The following TSGA10 variants were observed in gnomAD, a reference collection of about 807,000 sequenced individuals.
The protein encoded by TSGA10 is testis specific 10, also known as testis-specific gene 10 protein.
In TSGA10, 43 loss-of-function variants were observed where a neutral mutation model predicts 96.6. That is an observed-to-expected ratio of 0.44 (90% CI 0.35 to 0.57). The LOEUF is 0.57. Ranked by LOEUF, TSGA10 falls within the 20% of genes least tolerant of loss-of-function variation. The probability of loss-of-function intolerance (pLI) is 0.01; values close to 1 mark genes in which losing one functional copy is unlikely to be tolerated. For synonymous variants in TSGA10, 229 were observed against 269.9 expected (o/e 0.85, Z 1.48); for missense variants, 703 against 834.4 (o/e 0.84, Z 1.94).
At chr2:99,001,342 A>G (rs1428282918) in intron 20 of TSGA10, among the ~76,000 whole-genome samples, 1 of 152,182 alleles carries the variant, frequency 6.6e-6, no homozygotes, top group African/African-American at 2.4e-5. Flanking sequence ...GGCAAACAGG[A>G]TCTGGAGTGG....
In TSGA10 at chr2:99,070,232, T is replaced by C. The variant is rs528425278; in HGVS notation, c.1108-1234A>G. Among the ~76,000 whole-genome samples the C allele has an allele frequency of 3.3e-5, 5 of 152,312 alleles. 1 individual carries two copies. The highest frequency in any genetic ancestry group is 3.3e-4 in the Admixed American group (5 of 15,294). On this transcript the variant is annotated intron_variant, in intron 14 of 20. Coordinates refer to ENST00000393483, the MANE Select transcript of TSGA10 (RefSeq NM_025244.4). Reference sequence around the variant, plus strand: ...TAGCTATAAAATATTTATTGAGTGATATACTGGACAGTACAGTAAGTGCTT... The same window carrying C: ...TAGCTATAAAATATTTATTGAGTGACATACTGGACAGTACAGTAAGTGCTT...
At chr2:99,108,804 C>T (rs750727730) in intron 7 of TSGA10, 29 bp downstream of exon 7, 4 of 1,469,086 alleles carry the variant, frequency 2.7e-6, no homozygotes, top group East Asian at 2.4e-5. Context: ...AATGTTATTA[C>T]TTATATAATT....
At chr2:99,095,031 T>C (rs777123540) in intron 10 of TSGA10, among the ~76,000 whole-genome samples, 1 of 151,992 alleles carries the variant, frequency 6.6e-6, no homozygotes, top group Non-Finnish European at 1.5e-5. Context: ...GATAAAGAAA[T>C]TGTGGTATAT....
At chr2:99,152,155 C>T (rs761166390) in intron 1 of TSGA10, among the ~76,000 whole-genome samples, 2 of 152,078 alleles carry the variant, frequency 1.3e-5, no homozygotes, top group Non-Finnish European at 2.9e-5. Context: ...ATAGCCAGTG[C>T]CTTGTAGAGT....
intron 10 of TSGA10, among the ~76,000 whole-genome samples, chr2:99,084,823 T>C (rs1310669782): frequency 6.6e-6 from 1 of 151,884 alleles, no homozygotes; most frequent in African/African-American, 2.4e-5. Flanking sequence ...GAGCATTGTT[T>C]TACACAATAA....
chr2:99,074,241 T>C (rs2086387598), intron 12 of TSGA10, among the ~76,000 whole-genome samples: 1 of 152,010 alleles, frequency 6.6e-6, no homozygotes, highest in South Asian at 2.1e-4. Flanking sequence ...CTCAAACTCC[T>C]GACTTCAAGT....
chr2:99,134,764 T>C (rs1445092009), intron 1 of TSGA10, among the ~76,000 whole-genome samples: 1 of 152,114 alleles, frequency 6.6e-6, no homozygotes, highest in East Asian at 1.9e-4. Context: ...ATGGGGTTTC[T>C]GGGGTTTCTG....
chr2:99,149,818 G>A (rs1440935641), intron 1 of TSGA10, among the ~76,000 whole-genome samples: 2 of 124,132 alleles, frequency 1.6e-5, no homozygotes, highest in African/African-American at 3.1e-5. Context: ...TTAAGACAGA[G>A]TCTCGCTCTT....
intron 16 of TSGA10, among the ~76,000 whole-genome samples, chr2:99,036,674 A>G (rs1431733116): frequency 1.3e-5 from 2 of 152,140 alleles, no homozygotes; most frequent in Admixed American, 6.5e-5. Context: ...ATCCAACTAT[A>G]ATTACTTTAA....
At chr2:99,108,801 T>G (rs372952663) in intron 7 of TSGA10, 32 bp downstream of exon 7, 2 of 1,452,762 alleles carry the variant, frequency 1.4e-6, no homozygotes, top group Non-Finnish European at 1.8e-6. Context: ...CTCAATGTTA[T>G]TACTTATATA....
chr2:99,102,341 T>C (rs938923852), intron 10 of TSGA10: 39 of 1,612,256 alleles, frequency 2.4e-5, no homozygotes, highest in Non-Finnish European at 1.9e-5. Flanking sequence ...AGAGGGGTTC[T>C]AGCTCACAAA....
At chr2:99,085,479 CAT>C (rs1558965089) in intron 10 of TSGA10, among the ~76,000 whole-genome samples, 1 of 151,128 alleles carries the variant, frequency 6.6e-6, no homozygotes, top group East Asian at 2.0e-4. Context: ...CACAGCGGCA[CAT>C]GTCTGTGGTC....
At chr2:99,103,361 C>A (rs2090989050) in intron 10 of TSGA10, among the ~76,000 whole-genome samples, 1 of 152,132 alleles carries the variant, frequency 6.6e-6, no homozygotes, top group Non-Finnish European at 1.5e-5. Flanking sequence ...TTTCTCACAG[C>A]AACAGATACT....
chr2:99,084,025 G>A (rs946761113), intron 10 of TSGA10, among the ~76,000 whole-genome samples: 2 of 152,090 alleles, frequency 1.3e-5, no homozygotes, highest in African/African-American at 4.8e-5. Context: ...AGTGGGTGAC[G>A]GGAATACATC....
chr2:99,152,224 T>C (rs1284380943), intron 1 of TSGA10, among the ~76,000 whole-genome samples: 1 of 152,180 alleles, frequency 6.6e-6, no homozygotes, highest in African/African-American at 2.4e-5. Flanking sequence ...AAGATGCAAA[T>C]TGTGATATGC....
In TSGA10 at chr2:99,071,921, A is replaced by G. The variant is rs201950527; in HGVS notation, c.939-47T>C. 4.6e-5 allele frequency: 70 copies of G among 1,508,326 alleles called. No homozygotes were observed. In the East Asian group the frequency reaches 1.5e-3, roughly 32 times the overall value. 93.4% of individuals were successfully genotyped at this position (1,508,326 alleles called of 1,614,324 possible). A position where few individuals can be genotyped will look rare whatever the true frequency, so the allele number is the denominator to read the frequency against. ...ACATAAGAAGAGACATTTTACTGAAACAGAGCAACAAATTCTCACAAGACA... is the reference window on the plus strand; with the variant it reads ...ACATAAGAAGAGACATTTTACTGAAGCAGAGCAACAAATTCTCACAAGACA... On this transcript the variant is annotated intron_variant, in intron 13 of 20. Transcript: ENST00000393483.
intron 16 of TSGA10, among the ~76,000 whole-genome samples, chr2:99,046,867 G>A (rs1020796536): frequency 1.3e-5 from 2 of 151,898 alleles, no homozygotes; most frequent in Non-Finnish European, 2.9e-5. Flanking sequence ...TCAAATAGAC[G>A]CAATACAAAA....
chr2:99,119,000 C>T (rs749423664), intron 2 of TSGA10, among the ~76,000 whole-genome samples: 34 of 151,822 alleles, frequency 2.2e-4, no homozygotes, highest in Non-Finnish European at 2.9e-4. Flanking sequence ...CAAAAAAAAA[C>T]ACTCGCACAC....
intron 17 of TSGA10, among the ~76,000 whole-genome samples, chr2:99,025,017 T>A (rs1300395968): frequency 6.6e-6 from 1 of 152,188 alleles, no homozygotes; most frequent in Non-Finnish European, 1.5e-5. Flanking sequence ...TCGTTTTATG[T>A]GTTGTTGGAT....
Sources: gnomAD v4.1 joint callset for allele counts (sites outside exome capture counted in the v4.1 genomes callset) on GRCh38, gnomAD v4.1.1 for gene constraint, MANE v1.5 for transcripts, NCBI Gene and HGNC (gene_info 2026-07-23, HGNC 2026-07-21) for gene names.